Variants in TENM3 observed in about 807,000 individuals in gnomAD.
The protein encoded by TENM3 is teneurin transmembrane protein 3, also known as teneurin-3.
A neutral mutation model predicts 255.1 loss-of-function variants in TENM3; 63 were observed. That is an observed-to-expected ratio of 0.25 (90% confidence interval 0.20 to 0.30). The LOEUF is 0.30. TENM3 is among the 10% of genes least tolerant of loss of function. TENM3 has a pLI of 1.00. For synonymous variants in TENM3, 1,306 were observed against 1,322.3 expected, an observed-to-expected ratio of 0.99 and a Z score of 0.27; for missense variants, 2,929 against 3,461.1, an observed-to-expected ratio of 0.85 and a Z score of 3.86.
At chr4:181,543,425 A>C in the TENM3 span, among the ~76,000 whole-genome samples, 1 of 152,226 alleles carries the variant, frequency 6.6e-6, no homozygotes, top group Non-Finnish European at 1.5e-5. Flanking sequence ...TATGGATTTA[A>C]GAATTGTCTG....
the TENM3 span, among the ~76,000 whole-genome samples, chr4:181,724,845 A>C: frequency 6.6e-6 from 1 of 152,212 alleles, no homozygotes; most frequent in African/African-American, 2.4e-5. Flanking sequence ...CTTTCCTGGC[A>C]GATCAGAATA....
chr4:181,751,222 G>T, the TENM3 span, among the ~76,000 whole-genome samples: 1 of 152,060 alleles, frequency 6.6e-6, no homozygotes, highest in African/African-American at 2.4e-5. Flanking sequence ...TAGCATTGCG[G>T]GGTTAGGGTT....
the TENM3 span, among the ~76,000 whole-genome samples, chr4:181,587,014 C>G: frequency 0.015 from 2,305 of 152,306 alleles, 37 homozygotes; most frequent in South Asian, 0.071. Flanking sequence ...CTTATCTGCA[C>G]TCACTAAAAT....
At chr4:181,745,581 T>C in the TENM3 span, among the ~76,000 whole-genome samples, 1 of 152,156 alleles carries the variant, frequency 6.6e-6, no homozygotes, top group Admixed American at 6.5e-5. Context: ...GACTGCAGGC[T>C]GAGCCATTGC....
intron 3 of TENM3, among the ~76,000 whole-genome samples, chr4:182,525,869 A>G (rs960986785): frequency 3.3e-5 from 5 of 152,392 alleles, no homozygotes; most frequent in Non-Finnish European, 7.3e-5. Context: ...TCATGAGAGG[A>G]CATAATCAGG....
intron 1 of TENM3, among the ~76,000 whole-genome samples, chr4:182,293,286 A>C (rs1580053096): frequency 6.6e-6 from 1 of 152,182 alleles, no homozygotes; most frequent in Non-Finnish European, 1.5e-5. Context: ...GGGATTCAAA[A>C]CCAGCCTCCA....
chr4:182,628,252 T>C (rs1751022627), intron 4 of TENM3, among the ~76,000 whole-genome samples: 1 of 152,138 alleles, frequency 6.6e-6, no homozygotes, highest in South Asian at 2.1e-4. Flanking sequence ...TAAATGGCCA[T>C]GTAGCTGGGT....
At chr4:182,634,341 T>C (rs1249027240) in intron 5 of TENM3, among the ~76,000 whole-genome samples, 1 of 151,958 alleles carries the variant, frequency 6.6e-6, no homozygotes, top group African/African-American at 2.4e-5. Flanking sequence ...AACTGGGAGA[T>C]CATGAGGCCC....
chr4:181,636,039 T>C, the TENM3 span, among the ~76,000 whole-genome samples: 1 of 151,998 alleles, frequency 6.6e-6, no homozygotes, highest in Non-Finnish European at 1.5e-5. Flanking sequence ...AGAGAGAAAC[T>C]TCAGTTTTTG....
intron 1 of TENM3, among the ~76,000 whole-genome samples, chr4:182,208,972 GT>G (rs540578050): frequency 0.041 from 5,741 of 140,260 alleles, 310 homozygotes; most frequent in African/African-American, 0.14. Flanking sequence ...CTTTTTTTTT[GT>G]TTTTTTTTTT....
the TENM3 span, among the ~76,000 whole-genome samples, chr4:181,653,174 T>C: frequency 6.6e-6 from 1 of 152,144 alleles, no homozygotes; most frequent in African/African-American, 2.4e-5. Context: ...GCATGGCACA[T>C]TCAGTCTAGG....
At chr4:182,413,099 C>A (rs1770115945) in intron 3 of TENM3, among the ~76,000 whole-genome samples, 1 of 151,258 alleles carries the variant, frequency 6.6e-6, no homozygotes, top group Non-Finnish European at 1.5e-5. Context: ...AAAATGAGAG[C>A]AAATAAGAAA....
the TENM3 span, among the ~76,000 whole-genome samples, chr4:181,675,490 A>G: frequency 6.6e-6 from 1 of 152,166 alleles, no homozygotes; most frequent in South Asian, 2.1e-4. Context: ...ATTAGATATA[A>G]GGCAAAATGG....
At chr4:182,455,488 C>G (rs1463158639) in intron 3 of TENM3, among the ~76,000 whole-genome samples, 2 of 149,982 alleles carry the variant, frequency 1.3e-5, no homozygotes, top group Non-Finnish European at 3.0e-5. Flanking sequence ...TTTCGCTGGT[C>G]GGTGCTGCCT....
Position 182,475,866 on chromosome 4 carries a change from A to G in TENM3, c.512-125058A>G, listed in dbSNP as rs573077095. 7.2e-5 allele frequency among the ~76,000 whole-genome samples: 11 copies of G among 152,336 alleles called. No individual in the cohort carries two copies. In the South Asian group the frequency reaches 2.1e-3, roughly 29 times the overall value. Reference sequence around the variant, plus strand: ...ATAATTCAGTATCCCTCAAGTGACTATGATAATTGGATTCCAGAAGAGAAT... The same window carrying G: ...ATAATTCAGTATCCCTCAAGTGACTGTGATAATTGGATTCCAGAAGAGAAT... On this transcript the variant is annotated intron_variant, in intron 3 of 27. Coordinates refer to ENST00000511685, the MANE Select transcript of TENM3 (RefSeq NM_001080477.4).
the TENM3 span, among the ~76,000 whole-genome samples, chr4:182,053,821 T>C: frequency 7.7e-4 from 117 of 152,294 alleles, 1 homozygote; most frequent in Non-Finnish European, 1.3e-3. Context: ...CTTCACACTG[T>C]AGGACTCAGC....
Position 182,799,506 on chromosome 4 carries a change from C to G in TENM3, c.7345-90C>G. ...GACCCCGGGGCTTCCATGCATGCCCCGGCGCTGCCCCCAGAGTCCCGTGTG... is the reference window on the plus strand; with the variant it reads ...GACCCCGGGGCTTCCATGCATGCCCGGGCGCTGCCCCCAGAGTCCCGTGTG... On this transcript the variant is annotated intron_variant, in intron 27 of 27. Coordinates refer to ENST00000511685, the MANE Select transcript of TENM3 (RefSeq NM_001080477.4). This position sits in a 1 kb window ranked among gnomAD's most constrained non-coding sequence, Gnocchi z 4.2. 1 of 1,476,640 alleles carries G rather than the reference C, an allele frequency of 6.8e-7. No homozygotes were observed. Among genetic ancestry groups the G allele is most frequent in the Non-Finnish European group, 8.9e-7 (1 of 1,119,716 alleles). The allele number at this position is 1,476,640 out of a possible 1,614,324, so 91.5% of individuals were successfully genotyped here.
Position 182,753,444 on chromosome 4 carries a change from A to C in TENM3, c.3863-6A>C, listed in dbSNP as rs71620945. 0.2 allele frequency: 321,986 copies of C among 1,610,272 alleles called. 35,121 individuals carry two copies. The highest frequency in any genetic ancestry group is 0.22 in the Non-Finnish European group (263,572 of 1,177,416). ...AATTAGTAATACTTGCTTCTCTCAA[A>C]TACAGGAATGGCAGTTGATAAGAAT... is the stretch of plus-strand genomic sequence containing the variant. On this transcript the variant is annotated splice_polypyrimidine_tract_variant and splice_region_variant and intron_variant, in intron 20 of 27. Transcript: ENST00000511685.
the TENM3 span, among the ~76,000 whole-genome samples, chr4:181,922,898 T>A: frequency 6.6e-6 from 1 of 152,140 alleles, no homozygotes; most frequent in Non-Finnish European, 1.5e-5. Flanking sequence ...CTCTACACAC[T>A]GCTTTGAATG....
Sources: gnomAD v4.1 joint callset for allele counts (sites outside exome capture counted in the v4.1 genomes callset) on GRCh38, gnomAD v4.1.1 for gene constraint, Gnocchi (gnomAD v3.1) non-coding constraint, MANE v1.5 for transcripts, NCBI Gene and HGNC (gene_info 2026-07-23, HGNC 2026-07-21) for gene names.